CTNND2: variants seen among roughly 807,000 people sequenced by gnomAD.
CTNND2 encodes the protein catenin delta 2, also known as catenin delta-2.
CTNND2 carries 22 observed loss-of-function variants against 144.4 expected under a neutral mutation model. That is an observed-to-expected ratio of 0.15 (90% CI 0.11 to 0.22). The LOEUF (loss-of-function observed/expected upper bound fraction) is 0.22. Among genes scored for constraint, CTNND2 ranks in the 10% least tolerant of loss-of-function variants. The probability of loss-of-function intolerance (pLI) is 1.00; values close to 1 mark genes in which losing one functional copy is unlikely to be tolerated. For synonymous variants in CTNND2, 751 were observed against 695.6 expected (o/e 1.08, Z -1.25); for missense variants, 1,353 against 1,618.8 (o/e 0.84, Z 2.82).
chr5:11,785,508 T>C (rs1178016428), intron 1 of CTNND2, among the ~76,000 whole-genome samples: 1 of 152,204 alleles, frequency 6.6e-6, no homozygotes, highest in Non-Finnish European at 1.5e-5. Flanking sequence ...GGATAATGTA[T>C]GTTCTATCAA....
intron 9 of CTNND2, among the ~76,000 whole-genome samples, chr5:11,321,520 C>T (rs540810253): frequency 1.3e-5 from 2 of 152,260 alleles, no homozygotes; most frequent in East Asian, 3.9e-4. Flanking sequence ...TAAGAAAGCC[C>T]TGTAATAGCT....
chr5:11,794,200 T>C (rs1224630727), intron 1 of CTNND2, among the ~76,000 whole-genome samples: 3 of 152,228 alleles, frequency 2.0e-5, no homozygotes. Context: ...ATTTTATTTC[T>C]GGAAGAGGGA....
intron 1 of CTNND2, among the ~76,000 whole-genome samples, chr5:11,777,865 T>G (rs934530739): frequency 6.6e-6 from 1 of 152,206 alleles, no homozygotes; most frequent in Non-Finnish European, 1.5e-5. Flanking sequence ...TTTTGAGATA[T>G]CTAAATGTTT....
chr5:11,276,867 A>C (rs550851452), intron 9 of CTNND2, among the ~76,000 whole-genome samples: 1 of 152,296 alleles, frequency 6.6e-6, no homozygotes, highest in Admixed American at 6.5e-5. Flanking sequence ...AACCAAGGAA[A>C]GCCAGGGGCC....
intron 3 of CTNND2, among the ~76,000 whole-genome samples, chr5:11,495,154 G>A (rs1460440731): frequency 6.6e-6 from 1 of 152,160 alleles, no homozygotes; most frequent in African/African-American, 2.4e-5. Context: ...ATTACACTAA[G>A]AGTGTGCTTC....
At chr5:11,066,208 T>G (rs1374451161) in intron 16 of CTNND2, among the ~76,000 whole-genome samples, 1 of 152,000 alleles carries the variant, frequency 6.6e-6, no homozygotes, top group Non-Finnish European at 1.5e-5. Context: ...CCCAGATAAT[T>G]TTTGTATTTT....
chr5:11,420,676 G>A (rs1439001448), intron 3 of CTNND2, among the ~76,000 whole-genome samples: 2 of 152,178 alleles, frequency 1.3e-5, no homozygotes, highest in African/African-American at 4.8e-5. Context: ...TCGTGGAACT[G>A]ACTTCCCTTT....
At chr5:11,072,758 C>T (rs1748469836) in intron 16 of CTNND2, among the ~76,000 whole-genome samples, 1 of 152,228 alleles carries the variant, frequency 6.6e-6, no homozygotes, top group Admixed American at 6.5e-5. Context: ...ACCAGCATCC[C>T]ATATCCGGCC....
rs1279341598 is a variant in CTNND2 at position 11,346,295 on chromosome 5, T to G, written c.1628+77A>C. 3.1e-6 allele frequency: 4 copies of G among 1,280,750 alleles called. No homozygotes were observed. In the African/African-American group the frequency reaches 6.1e-5, roughly 20 times the overall value. The allele number at this position is 1,280,750 out of a possible 1,614,324, so 79.3% of individuals were successfully genotyped here. On this transcript the variant is annotated intron_variant, in intron 9 of 21. Transcript: ENST00000304623. Reference sequence around the variant, plus strand: ...AATAGTCAGTGACATAAATGCAACATGACGTGAAATAAATTACAGTACCAG... The same window carrying G: ...AATAGTCAGTGACATAAATGCAACAGGACGTGAAATAAATTACAGTACCAG...
chr5:11,758,780 A>G (rs1343046606), intron 1 of CTNND2, among the ~76,000 whole-genome samples: 2 of 152,076 alleles, frequency 1.3e-5, no homozygotes, highest in Non-Finnish European at 1.5e-5. Context: ...TTTAAAAGTA[A>G]TTTCCCTGAC....
At chr5:11,103,602 G>A (rs1179169839) in intron 14 of CTNND2, among the ~76,000 whole-genome samples, 3 of 151,990 alleles carry the variant, frequency 2.0e-5, no homozygotes, top group Non-Finnish European at 4.4e-5. Flanking sequence ...TCCAGGAGGT[G>A]GAGTTTGCAG....
intron 1 of CTNND2, among the ~76,000 whole-genome samples, chr5:11,779,884 A>T (rs75325752): frequency 0.011 from 1,691 of 152,292 alleles, 22 homozygotes; most frequent in South Asian, 0.066. Flanking sequence ...ATCATTCCTA[A>T]TTCCATCTTC....
intron 8 of CTNND2, among the ~76,000 whole-genome samples, chr5:11,362,556 A>G (rs934826324): frequency 6.6e-6 from 1 of 152,180 alleles, no homozygotes; most frequent in African/African-American, 2.4e-5. Flanking sequence ...TCATCCAAGC[A>G]CTTCTGGAAA....
intron 1 of CTNND2, among the ~76,000 whole-genome samples, chr5:11,875,859 C>T (rs1407372720): frequency 6.6e-6 from 1 of 152,144 alleles, no homozygotes; most frequent in Admixed American, 6.5e-5. Flanking sequence ...CATGGAGTTT[C>T]CCCTCCATAA....
At chr5:11,716,208 T>A (rs1208304227) in intron 2 of CTNND2, among the ~76,000 whole-genome samples, 1 of 152,212 alleles carries the variant, frequency 6.6e-6, no homozygotes, top group Non-Finnish European at 1.5e-5. Flanking sequence ...AGGTCTGATG[T>A]GATACTACAT....
At chr5:11,469,797 C>T (rs766915223) in intron 3 of CTNND2, among the ~76,000 whole-genome samples, 3 of 152,116 alleles carry the variant, frequency 2.0e-5, no homozygotes, top group Admixed American at 6.5e-5. Context: ...AAGCCATCAT[C>T]GTAGATTTTT....
chr5:11,175,136 C>A (rs1349242325), intron 11 of CTNND2, among the ~76,000 whole-genome samples: 1 of 151,586 alleles, frequency 6.6e-6, no homozygotes, highest in African/African-American at 2.4e-5. Flanking sequence ...TTTTTTTTTA[C>A]ATAGTAATTT....
chr5:11,626,231 C>G (rs1781146616), intron 2 of CTNND2, among the ~76,000 whole-genome samples: 1 of 152,184 alleles, frequency 6.6e-6, no homozygotes, highest in African/African-American at 2.4e-5. Flanking sequence ...GCCAACTTGT[C>G]TACCTTCCCC....
At chr5:11,311,464 C>G (rs1219048295) in intron 9 of CTNND2, among the ~76,000 whole-genome samples, 1 of 149,820 alleles carries the variant, frequency 6.7e-6, no homozygotes, top group African/African-American at 2.5e-5. Flanking sequence ...ACTCCCCATA[C>G]ACCCTCAACC....
Sources: allele counts gnomAD v4.1 joint callset (sites outside exome capture counted in the v4.1 genomes callset), GRCh38; gene constraint gnomAD v4.1.1; transcripts MANE v1.5; gene names NCBI Gene and HGNC (gene_info 2026-07-23, HGNC 2026-07-21).